Variants in SUMF1 observed in about 807,000 individuals in gnomAD.
SUMF1 encodes sulfatase modifying factor 1, also known as formylglycine-generating enzyme.
Under a neutral mutation model 47.6 loss-of-function variants are expected in SUMF1, and 48 were observed. The ratio of observed to expected loss-of-function variants is 1.01; its 90% CI spans 0.80 to 1.28. The LOEUF (loss-of-function observed/expected upper bound fraction) is 1.28. Ranked by LOEUF, SUMF1 falls within the 50% of genes most tolerant of loss-of-function variation. The probability of loss-of-function intolerance (pLI) is 0.00; values close to 1 mark genes in which losing one functional copy is unlikely to be tolerated. For missense variants in SUMF1, 571 were observed against 485.4 expected, an observed-to-expected ratio of 1.18 and a Z score of -1.66; for synonymous variants, 230 against 192.1, an observed-to-expected ratio of 1.20 and a Z score of -1.63.
intron 8 of SUMF1, among the ~76,000 whole-genome samples, chr3:4,131,591 A>G (rs559949006): frequency 6.6e-6 from 1 of 152,296 alleles, no homozygotes; most frequent in African/African-American, 2.4e-5. Flanking sequence ...ATGGCCAGAT[A>G]TGCAATTACA....
At position 4,125,771 on chromosome 3, in the gene SUMF1, C is replaced by T. The variant is rs189480406; in HGVS notation, c.1015-57026G>A. Among the ~76,000 whole-genome samples, 126 of 152,268 alleles carry T rather than the reference C, an allele frequency of 8.3e-4. 1 individual carries two copies. The highest frequency in any genetic ancestry group is 2.9e-3 in the African/African-American group (119 of 41,548). The stretch of plus-strand genomic sequence containing the variant: ...CTCACTGCGGCCTTGACTTCCTGGG[C>T]TCAAGCAATCCTCCTGTCTCAGCAC... On this transcript the variant is annotated intron_variant and NMD_transcript_variant, in intron 8 of 12. Transcript: ENST00000448413.
At chr3:4,095,019 T>C (rs1189300383) in intron 8 of SUMF1, among the ~76,000 whole-genome samples, 1 of 151,908 alleles carries the variant, frequency 6.6e-6, no homozygotes, top group African/African-American at 2.4e-5. Context: ...AAGAGAAAAA[T>C]GAATATTGAA....
intron 8 of SUMF1, among the ~76,000 whole-genome samples, chr3:4,290,012 A>C (rs1697709160): frequency 6.6e-6 from 1 of 152,234 alleles, no homozygotes; most frequent in Non-Finnish European, 1.5e-5. Context: ...TATAAGGCAT[A>C]ATAGGCAAAT....
intron 8 of SUMF1, among the ~76,000 whole-genome samples, chr3:4,247,001 C>T (rs569187977): frequency 6.6e-6 from 1 of 152,226 alleles, no homozygotes; most frequent in South Asian, 2.1e-4. Context: ...AGTATATATC[C>T]TGTACAACTG....
chr3:4,183,043 C>T (rs984255740), intron 8 of SUMF1, among the ~76,000 whole-genome samples: 1 of 152,074 alleles, frequency 6.6e-6, no homozygotes, highest in East Asian at 1.9e-4. Flanking sequence ...TATCGGCCAA[C>T]TGGGAATAAG....
chr3:4,073,680 G>T (rs1692342735), intron 8 of SUMF1, among the ~76,000 whole-genome samples: 1 of 152,088 alleles, frequency 6.6e-6, no homozygotes. Context: ...AAAAGCAGGG[G>T]TTGCAATCCT....
intron 8 of SUMF1, among the ~76,000 whole-genome samples, chr3:4,374,908 T>TCCCA (rs1215442629): frequency 4.6e-5 from 7 of 152,018 alleles, no homozygotes; most frequent in Non-Finnish European, 8.8e-5. Flanking sequence ...ATGCCTGTAA[T>TCCCA]CCCAACACTT....
intron 8 of SUMF1, among the ~76,000 whole-genome samples, chr3:4,223,660 TACTCA>T (rs1408069352): frequency 1.3e-5 from 2 of 152,116 alleles, no homozygotes; most frequent in African/African-American, 4.8e-5. Context: ...TTTTCTTCTA[TACTCA>T]ACTCAAGATT....
intron 8 of SUMF1, among the ~76,000 whole-genome samples, chr3:4,350,125 C>T (rs923614623): frequency 1.3e-5 from 2 of 151,674 alleles, no homozygotes; most frequent in African/African-American, 2.4e-5. Context: ...CTCAGCCTCC[C>T]GAGTAGCTGG....
intron 8 of SUMF1, among the ~76,000 whole-genome samples, chr3:4,176,517 T>C (rs948915420): frequency 2.6e-5 from 4 of 152,178 alleles, no homozygotes; most frequent in East Asian, 1.9e-4. Context: ...CAGGCCTGCC[T>C]TACAATAGCT....
chr3:4,106,029 A>C (rs1693149797), intron 8 of SUMF1, among the ~76,000 whole-genome samples: 1 of 151,874 alleles, frequency 6.6e-6, no homozygotes, highest in African/African-American at 2.4e-5. Context: ...TTATGCAATA[A>C]TTGGTCAAAA....
chr3:4,162,588 C>A (rs1694603733), intron 8 of SUMF1, among the ~76,000 whole-genome samples: 1 of 152,168 alleles, frequency 6.6e-6, no homozygotes, highest in Non-Finnish European at 1.5e-5. Context: ...TGTGACAGCA[C>A]AGCACTGAGT....
chr3:4,401,247 C>A (rs1701202548), intron 7 of SUMF1, among the ~76,000 whole-genome samples: 1 of 152,054 alleles, frequency 6.6e-6, no homozygotes, highest in South Asian at 2.1e-4. Flanking sequence ...CAAGTCTTTG[C>A]TCTTGTGAAT....
intron 8 of SUMF1, chr3:4,316,773 C>T: frequency 6.4e-7 from 1 of 1,550,646 alleles, no homozygotes. Flanking sequence ...AATCTTGCAC[C>T]CAAAAAAGGT....
At chr3:4,128,959 T>G (rs1354838905) in intron 8 of SUMF1, among the ~76,000 whole-genome samples, 8 of 152,090 alleles carry the variant, frequency 5.3e-5, no homozygotes, top group African/African-American at 7.2e-5. Flanking sequence ...GTGAGTGAAT[T>G]GGGAATGCCT....
chr3:4,353,527 C>T (rs993415949), intron 8 of SUMF1, among the ~76,000 whole-genome samples: 3 of 152,216 alleles, frequency 2.0e-5, no homozygotes, highest in Admixed American at 6.5e-5. Flanking sequence ...GCCGGGATTA[C>T]AGGCGTGAGT....
At chr3:4,275,464 T>C (rs1697392154) in intron 8 of SUMF1, among the ~76,000 whole-genome samples, 1 of 152,084 alleles carries the variant, frequency 6.6e-6, no homozygotes, top group Admixed American at 6.5e-5. Context: ...TCTCTTCTGG[T>C]GCATTCTTCA....
chr3:4,038,117 G>C (rs1419418445), intron 9 of SUMF1, among the ~76,000 whole-genome samples: 2 of 152,174 alleles, frequency 1.3e-5, no homozygotes, highest in Non-Finnish European at 2.9e-5. Context: ...CACCGCTGCA[G>C]GGTGATCTTC....
chr3:4,424,939 A>G (rs1262579972), intron 3 of SUMF1, among the ~76,000 whole-genome samples: 1 of 152,122 alleles, frequency 6.6e-6, no homozygotes, highest in Non-Finnish European at 1.5e-5. Context: ...GTTATGGGAG[A>G]CTGTCTTATG....
Sources: gnomAD v4.1 joint callset for allele counts (sites outside exome capture counted in the v4.1 genomes callset) on GRCh38, gnomAD v4.1.1 for gene constraint, MANE v1.5 for transcripts, NCBI Gene and HGNC (gene_info 2026-07-23, HGNC 2026-07-21) for gene names.